NEDD9: variants seen among roughly 807,000 people sequenced by gnomAD.
NEDD9 encodes the protein neural precursor cell expressed, developmentally down-regulated 9.
A neutral mutation model predicts 76.6 loss-of-function variants in NEDD9; 26 were observed. The observed-to-expected ratio is 0.34, with a 90% CI of 0.25 to 0.47. The LOEUF is 0.47. NEDD9 is among the 20% of genes least tolerant of loss of function. The probability of loss-of-function intolerance (pLI) is 1.00; values close to 1 mark genes in which losing one functional copy is unlikely to be tolerated. For missense variants in NEDD9, 937 were observed against 1,058.5 expected (o/e 0.89, Z 1.59); for synonymous variants, 392 against 414.2 (o/e 0.95, Z 0.65).
intron 1 of NEDD9, among the ~76,000 whole-genome samples, chr6:11,227,825 C>T (rs1313021257): frequency 6.6e-6 from 1 of 151,800 alleles, no homozygotes; most frequent in East Asian, 1.9e-4. Flanking sequence ...GCATAACAGC[C>T]TATTTTAGGG....
At chr6:11,275,583 AT>A (rs1205006180) in intron 3 of NEDD9, among the ~76,000 whole-genome samples, 19 of 143,620 alleles carry the variant, frequency 1.3e-4, no homozygotes, top group Admixed American at 7.5e-4. Flanking sequence ...TATATACAAA[AT>A]TTTTTTTAAA....
chr6:11,244,681 G>A (rs1048750014), intron 3 of NEDD9, among the ~76,000 whole-genome samples: 7 of 152,174 alleles, frequency 4.6e-5, no homozygotes, highest in African/African-American at 1.7e-4. Context: ...TGTATATGAA[G>A]CCTGGGAGAG....
rs527610027 is a variant in NEDD9, at chr6:11,325,558, C to T, written c.-153+8943G>A. On this transcript the variant is annotated intron_variant, in intron 2 of 3. Coordinates refer to the NEDD9 transcript ENST00000397378. Reference sequence around the variant, plus strand: ...ATAAAGATGAATGGTAAGATTCATGCTAACAATTTAAAATTTTAATTTTCC... The same window carrying T: ...ATAAAGATGAATGGTAAGATTCATGTTAACAATTTAAAATTTTAATTTTCC... Among the ~76,000 whole-genome samples, 4 of 152,132 alleles carry T rather than the reference C, an allele frequency of 2.6e-5. No homozygotes were observed. In the South Asian group the frequency reaches 8.3e-4, roughly 32 times the overall value.
Position 11,255,822 on chromosome 6 carries a change from T to C in NEDD9, c.13-42095A>G, listed in dbSNP as rs181358388. 3.4e-4 allele frequency among the ~76,000 whole-genome samples: 52 copies of C among 152,228 alleles called. No homozygotes were observed. In the East Asian group the frequency reaches 4.1e-3, roughly 12 times the overall value. Reference sequence around the variant, plus strand: ...TTAGCTTTCAGTGTGAAGGAATCCCTCTGGCTGCATAGGAGGGGAGAGATT... The same window carrying C: ...TTAGCTTTCAGTGTGAAGGAATCCCCCTGGCTGCATAGGAGGGGAGAGATT... On this transcript the variant is annotated intron_variant, in intron 3 of 3. Coordinates refer to the NEDD9 transcript ENST00000397378.
chr6:11,366,596 G>A (rs1300201505), intron 1 of NEDD9, among the ~76,000 whole-genome samples: 1 of 152,188 alleles, frequency 6.6e-6, no homozygotes, highest in Non-Finnish European at 1.5e-5. Context: ...TGTATGAGAG[G>A]TGGAAACCAA....
At chr6:11,255,921 C>T (rs530917486) in intron 3 of NEDD9, among the ~76,000 whole-genome samples, 7 of 152,190 alleles carry the variant, frequency 4.6e-5, no homozygotes, top group East Asian at 3.9e-4. Flanking sequence ...GTTGAAGGGA[C>T]GCTGTATTCT....
intron 2 of NEDD9, among the ~76,000 whole-genome samples, chr6:11,320,235 G>A (rs776475008): frequency 6.6e-6 from 1 of 152,216 alleles, no homozygotes; most frequent in African/African-American, 2.4e-5. Flanking sequence ...ATTAGGTTAC[G>A]ATTTTAAAAA....
At chr6:11,277,777 G>A (rs1760446714) in intron 3 of NEDD9, among the ~76,000 whole-genome samples, 1 of 152,216 alleles carries the variant, frequency 6.6e-6, no homozygotes, top group Non-Finnish European at 1.5e-5. Flanking sequence ...TACAGCGGAT[G>A]TTGTGTAGCG....
chr6:11,317,415 C>A (rs1431469945), intron 2 of NEDD9, among the ~76,000 whole-genome samples: 5 of 146,438 alleles, frequency 3.4e-5, no homozygotes, highest in Admixed American at 6.8e-5. Context: ...GGCTCCGTCT[C>A]AAAAAAATAA....
intron 5 of NEDD9, among the ~76,000 whole-genome samples, chr6:11,189,224 C>T (rs1350796446): frequency 1.3e-5 from 2 of 152,152 alleles, no homozygotes; most frequent in South Asian, 2.1e-4. Context: ...GGATTACAGG[C>T]GTGAGCCACT....
At chr6:11,336,196 C>G (rs1762157177) in intron 1 of NEDD9, among the ~76,000 whole-genome samples, 1 of 152,222 alleles carries the variant, frequency 6.6e-6, no homozygotes, top group Admixed American at 6.5e-5. Context: ...CTGCCTTGGT[C>G]ATGGCTCTAC....
intron 1 of NEDD9, among the ~76,000 whole-genome samples, chr6:11,222,572 G>T (rs748050795): frequency 6.6e-6 from 1 of 152,212 alleles, no homozygotes; most frequent in Non-Finnish European, 1.5e-5. Context: ...GCTCTTACAC[G>T]CACATGTTAT....
In NEDD9 at chr6:11,185,006, C is replaced by T; in HGVS notation, c.*156G>A. ...AAAAAAGATTTCCCTCTCCAGCTCC[C>T]TGAATTTCTGAAAGTTGACTGACCC... On this transcript the variant is annotated 3_prime_UTR_variant, in exon 7 of 7. Transcript: ENST00000379446. 3 of 959,824 alleles carry T rather than the reference C, an allele frequency of 3.1e-6. No individual in the cohort carries two copies. The South Asian group carries it at 6.1e-5, about 20-fold the overall frequency. 59.5% of individuals were successfully genotyped at this position (959,824 alleles called of 1,614,324 possible).
intron 1 of NEDD9, chr6:11,352,714 G>A (rs1762491259): frequency 6.6e-6 from 1 of 152,204 alleles, no homozygotes; most frequent in African/African-American, 2.4e-5. Context: ...CTAGCTTTGT[G>A]AGCTGTGAAG....
At chr6:11,273,524 T>C (rs1760357165) in intron 3 of NEDD9, among the ~76,000 whole-genome samples, 1 of 152,244 alleles carries the variant, frequency 6.6e-6, no homozygotes, top group South Asian at 2.1e-4. Flanking sequence ...ACTGCGCCTA[T>C]CTGTGTGCGT....
At chr6:11,332,274 T>C (rs1319353099) in intron 2 of NEDD9, among the ~76,000 whole-genome samples, 1 of 152,226 alleles carries the variant, frequency 6.6e-6, no homozygotes, top group Non-Finnish European at 1.5e-5. Context: ...CAATGAAACT[T>C]TCAACTGTCA....
intron 1 of NEDD9, among the ~76,000 whole-genome samples, chr6:11,341,535 C>G (rs1279009836): frequency 1.3e-5 from 2 of 152,172 alleles, no homozygotes; most frequent in African/African-American, 2.4e-5. Flanking sequence ...GAGACTGAAA[C>G]AGTATAACAG....
intron 1 of NEDD9, among the ~76,000 whole-genome samples, chr6:11,372,544 C>G (rs1018502803): frequency 6.6e-6 from 1 of 152,114 alleles, no homozygotes; most frequent in African/African-American, 2.4e-5. Flanking sequence ...TATGACAGCT[C>G]TATTTTTAGT....
At chr6:11,377,504 G>C (rs953806920) in intron 1 of NEDD9, among the ~76,000 whole-genome samples, 8 of 152,236 alleles carry the variant, frequency 5.3e-5, no homozygotes, top group African/African-American at 1.9e-4. Context: ...CTAGGTTTCA[G>C]ATTTGTGTGG....
Sources: gnomAD v4.1 joint callset for allele counts (sites outside exome capture counted in the v4.1 genomes callset) on GRCh38, gnomAD v4.1.1 for gene constraint, MANE v1.5 for transcripts, NCBI Gene and HGNC (gene_info 2026-07-23, HGNC 2026-07-21) for gene names.